The following GPC6 variants were observed in gnomAD, a reference collection of about 807,000 sequenced individuals.
GPC6 encodes the protein glypican-6.
GPC6 carries 14 observed loss-of-function variants against 55.2 expected under a neutral mutation model. That is an observed-to-expected ratio of 0.25 (90% CI 0.17 to 0.40). GPC6 has a LOEUF of 0.40. Ranked by LOEUF, GPC6 falls within the 10% of genes least tolerant of loss-of-function variation. The probability of loss-of-function intolerance (pLI) is 1.00; values close to 1 mark genes in which losing one functional copy is unlikely to be tolerated. For missense variants in GPC6, 641 were observed against 708.5 expected (o/e 0.90, Z 1.08); for synonymous variants, 278 against 259.6 (o/e 1.07, Z -0.68).
chr13:93,691,501 A>G (rs1187986125), intron 2 of GPC6, among the ~76,000 whole-genome samples: 1 of 150,436 alleles, frequency 6.6e-6, no homozygotes, highest in Non-Finnish European at 1.5e-5. Flanking sequence ...CTCTTATCAC[A>G]TTGAAGATAA....
intron 7 of GPC6, among the ~76,000 whole-genome samples, chr13:94,385,748 T>C (rs1238837885): frequency 1.3e-5 from 2 of 152,200 alleles, no homozygotes; most frequent in Non-Finnish European, 2.9e-5. Context: ...AGCTTTCTTC[T>C]TATCCAAATA....
At chr13:93,953,005 T>C (rs1251584565) in intron 3 of GPC6, among the ~76,000 whole-genome samples, 1 of 151,522 alleles carries the variant, frequency 6.6e-6, no homozygotes, top group African/African-American at 2.4e-5. Context: ...TCTCAAACTT[T>C]CCATATATTT....
At chr13:93,736,843 A>G (rs1256151799) in intron 2 of GPC6, among the ~76,000 whole-genome samples, 1 of 152,304 alleles carries the variant, frequency 6.6e-6, no homozygotes, top group Admixed American at 6.5e-5. Flanking sequence ...CACAAAATAC[A>G]CTGTTAAGGT....
intron 2 of GPC6, among the ~76,000 whole-genome samples, chr13:93,655,242 T>C (rs1052034482): frequency 6.6e-6 from 1 of 152,156 alleles, no homozygotes; most frequent in African/African-American, 2.4e-5. Flanking sequence ...TCCCCAGATA[T>C]ATGAACACAA....
intron 2 of GPC6, among the ~76,000 whole-genome samples, chr13:93,667,428 AAGTTCTGGAT>A (rs1881183686): frequency 6.6e-6 from 1 of 150,530 alleles, no homozygotes; most frequent in African/African-American, 2.5e-5. Context: ...CCTTTACTTG[AAGTTCTGGAT>A]TTTTTTTTTT....
chr13:94,120,774 A>G (rs1469874564), intron 4 of GPC6, among the ~76,000 whole-genome samples: 1 of 152,104 alleles, frequency 6.6e-6, no homozygotes, highest in Non-Finnish European at 1.5e-5. Context: ...GATGTGGGGA[A>G]AGGTGTAGGA....
At chr13:94,396,591 A>G (rs1173058745) in intron 7 of GPC6, among the ~76,000 whole-genome samples, 1 of 152,230 alleles carries the variant, frequency 6.6e-6, no homozygotes, top group Admixed American at 6.5e-5. Context: ...AAGCTGGGAA[A>G]TATCTTGAGG....
intron 4 of GPC6, among the ~76,000 whole-genome samples, chr13:94,110,590 A>G (rs1422607961): frequency 1.3e-5 from 2 of 152,024 alleles, no homozygotes; most frequent in African/African-American, 4.8e-5. Context: ...GAGATTTTTG[A>G]GGTGTATGTG....
rs140548076 is a variant in GPC6 at position 94,108,822 on chromosome 13, A to G, written c.877+80928A>G. ...GCAGCATTGCACTCCAGCCTGAGCAACAAGAGCGAGACTCCGTCTCAAAAA... is the reference window on the plus strand; with the variant it reads ...GCAGCATTGCACTCCAGCCTGAGCAGCAAGAGCGAGACTCCGTCTCAAAAA... On this transcript the variant is annotated intron_variant, in intron 4 of 8. Coordinates refer to ENST00000377047, the MANE Select transcript of GPC6 (RefSeq NM_005708.5). 7.2e-3 allele frequency among the ~76,000 whole-genome samples: 1,089 copies of G among 151,836 alleles called. 17 individuals are homozygous for G. Among genetic ancestry groups the G allele is most frequent in the African/African-American group, 0.025 (1,031 of 41,436 alleles).
intron 6 of GPC6, among the ~76,000 whole-genome samples, chr13:94,373,558 A>G (rs1879691184): frequency 6.6e-6 from 1 of 152,218 alleles, no homozygotes; most frequent in Non-Finnish European, 1.5e-5. Flanking sequence ...GAAATATGGG[A>G]CTATGTGAAA....
intron 4 of GPC6, among the ~76,000 whole-genome samples, chr13:94,190,658 A>G (rs1392126354): frequency 2.0e-5 from 3 of 152,216 alleles, no homozygotes; most frequent in Non-Finnish European, 4.4e-5. Flanking sequence ...TATTGTATCA[A>G]TGTTCAATTT....
intron 4 of GPC6, among the ~76,000 whole-genome samples, chr13:94,203,116 A>T (rs1889804664): frequency 6.7e-6 from 1 of 149,902 alleles, no homozygotes; most frequent in African/African-American, 2.5e-5. Context: ...TTATTATTTC[A>T]CTTATAGTGA....
chr13:93,723,953 T>C (rs990416752), intron 2 of GPC6, among the ~76,000 whole-genome samples: 2 of 151,922 alleles, frequency 1.3e-5, no homozygotes, highest in Non-Finnish European at 2.9e-5. Context: ...CAGACCCAGG[T>C]GTTTGAATGG....
intron 1 of GPC6, among the ~76,000 whole-genome samples, chr13:93,273,227 A>C (rs1017657454): frequency 6.6e-6 from 1 of 152,194 alleles, no homozygotes; most frequent in Non-Finnish European, 1.5e-5. Context: ...TATCTAAATC[A>C]TATCTAGGTA....
chr13:93,838,545 G>A (rs933650592), intron 3 of GPC6, among the ~76,000 whole-genome samples: 3 of 152,160 alleles, frequency 2.0e-5, no homozygotes, highest in African/African-American at 7.2e-5. Context: ...AATTTGAAGA[G>A]CATCACGTGA....
At chr13:94,017,861 A>G (rs140114377) in intron 3 of GPC6, among the ~76,000 whole-genome samples, 8 of 152,064 alleles carry the variant, frequency 5.3e-5, no homozygotes, top group African/African-American at 1.7e-4. Flanking sequence ...TATTTTTAGT[A>G]GAGATGGGGT....
intron 2 of GPC6, among the ~76,000 whole-genome samples, chr13:93,669,869 G>A (rs1445899834): frequency 6.6e-6 from 1 of 152,102 alleles, no homozygotes; most frequent in East Asian, 1.9e-4. Flanking sequence ...TTTATTTGGA[G>A]ACTAATACAG....
chr13:94,166,749 T>C (rs1594011931), intron 4 of GPC6, among the ~76,000 whole-genome samples: 2 of 152,196 alleles, frequency 1.3e-5, no homozygotes, highest in East Asian at 1.9e-4. Flanking sequence ...TAGTACACTG[T>C]TGTCAAAGAA....
intron 3 of GPC6, among the ~76,000 whole-genome samples, chr13:93,940,901 T>G (rs1005528104): frequency 1.3e-5 from 2 of 152,204 alleles, no homozygotes; most frequent in East Asian, 3.8e-4. Flanking sequence ...ATGAATGACT[T>G]TATATTAATA....
Sources: gnomAD v4.1 joint callset for allele counts (sites outside exome capture counted in the v4.1 genomes callset) on GRCh38, gnomAD v4.1.1 for gene constraint, MANE v1.5 for transcripts, NCBI Gene and HGNC (gene_info 2026-07-23, HGNC 2026-07-21) for gene names.